MAST4: variants seen among roughly 807,000 people sequenced by gnomAD.
The protein encoded by MAST4 is microtubule associated serine/threonine kinase family member 4.
Under a neutral mutation model 162.7 loss-of-function variants are expected in MAST4, and 89 were observed. The observed-to-expected ratio is 0.55, with a 90% CI of 0.46 to 0.65. The LOEUF (loss-of-function observed/expected upper bound fraction) is 0.65. Ranked by LOEUF, MAST4 falls within the 30% of genes least tolerant of loss-of-function variation. The pLI is 0.00. For synonymous variants in MAST4, 1,479 were observed against 1,361.1 expected, an observed-to-expected ratio of 1.09 and a Z score of -1.91; for missense variants, 3,153 against 3,374.0, an observed-to-expected ratio of 0.93 and a Z score of 1.62.
chr5:66,762,601 A>C (rs377193917), intron 2 of MAST4, among the ~76,000 whole-genome samples: 6 of 152,208 alleles, frequency 3.9e-5, no homozygotes, highest in Admixed American at 3.9e-4. Context: ...GATCTTTAAA[A>C]AATGTGTTTT....
chr5:67,100,601 G>C lies in MAST4; in HGVS notation c.1070+9G>C, dbSNP rs779743940. 2.5e-6 allele frequency: 4 copies of C among 1,613,604 alleles called. No homozygotes were observed. The highest frequency in any genetic ancestry group is 3.4e-6 in the Non-Finnish European group (4 of 1,179,768). ...CGTTCCCGAAGTCTGAGGTGTGTGG[G>C]CCTGGCTGAAAACCATTACTTAGTT... On this transcript the variant is annotated intron_variant, in intron 8 of 28. Coordinates refer to ENST00000403625, the MANE Select transcript of MAST4 (RefSeq NM_001164664.2).
intron 1 of MAST4, among the ~76,000 whole-genome samples, chr5:66,651,864 C>A (rs1440956932): frequency 6.6e-6 from 1 of 152,194 alleles, no homozygotes; most frequent in Non-Finnish European, 1.5e-5. Context: ...TCCTCACTGG[C>A]TGTTGACCAG....
At chr5:67,072,440 G>A (rs1761102206) in intron 5 of MAST4, among the ~76,000 whole-genome samples, 1 of 152,126 alleles carries the variant, frequency 6.6e-6, no homozygotes, top group South Asian at 2.1e-4. Context: ...TTAGACTAAT[G>A]GCCAATGTCT....
chr5:66,746,477 C>T (rs1048634364), intron 1 of MAST4, among the ~76,000 whole-genome samples: 1 of 152,128 alleles, frequency 6.6e-6, no homozygotes, highest in East Asian at 1.9e-4. Context: ...CTTTCTGAAT[C>T]CTTTTCCTCT....
rs201369766 is a variant in MAST4 at position 67,167,095 on chromosome 5, G to C, written c.*44G>C. The C allele has an allele frequency of 1.1e-5, 17 of 1,481,642 alleles. No homozygotes were observed. Among genetic ancestry groups the C allele is most frequent in the Non-Finnish European group, 1.5e-5 (17 of 1,109,252 alleles). 91.8% of individuals were successfully genotyped at this position (1,481,642 alleles called of 1,614,324 possible). On this transcript the variant is annotated 3_prime_UTR_variant, in exon 29 of 29. Coordinates refer to ENST00000403625, the MANE Select transcript of MAST4 (RefSeq NM_001164664.2). The stretch of plus-strand genomic sequence containing the variant: ...AGGACTGTGGAGACCCGTCCTGAAC[G>C]GGCGACTGTGTCTTGACTACCTTTC...
chr5:66,760,488 C>T (rs1173104711), intron 2 of MAST4, among the ~76,000 whole-genome samples: 1 of 152,158 alleles, frequency 6.6e-6, no homozygotes, highest in Non-Finnish European at 1.5e-5. Context: ...CTGCCGTGAT[C>T]AGGATATAAA....
chr5:66,963,884 A>G, intron 4 of MAST4: 2 of 770,208 alleles, frequency 2.6e-6, no homozygotes, highest in South Asian at 2.7e-5. Flanking sequence ...TGCAATCCAC[A>G]ATCCACAGGG....
intron 1 of MAST4, among the ~76,000 whole-genome samples, chr5:66,718,559 G>A (rs1751002818): frequency 6.6e-6 from 1 of 152,104 alleles, no homozygotes; most frequent in Non-Finnish European, 1.5e-5. Flanking sequence ...TCAGAGAAAG[G>A]GCCTGAGGGT....
intron 4 of MAST4, chr5:67,004,725 AG>A (rs1751760295): frequency 1.2e-5 from 5 of 406,094 alleles, no homozygotes; most frequent in Non-Finnish European, 2.3e-5. Flanking sequence ...GAGCCTGACT[AG>A]GAGAGGGCAG....
intron 4 of MAST4, among the ~76,000 whole-genome samples, chr5:66,996,800 C>T (rs771731295): frequency 4.6e-5 from 7 of 152,126 alleles, no homozygotes; most frequent in Non-Finnish European, 8.8e-5. Context: ...TTAAGGCCCA[C>T]CTGGATAACC....
chr5:66,910,741 C>CTTTGTTTTTTTTTTTTTTTTTT (rs1763690763), intron 4 of MAST4, among the ~76,000 whole-genome samples: 8 of 20,090 alleles, frequency 4.0e-4, no homozygotes, highest in South Asian at 1.4e-3. Flanking sequence ...TTTTTTTTTT[C>CTTTGTTTTTTTTTTTTTTTTTT]TTTTTTTTTT....
chr5:66,982,308 G>A (rs1748961983), intron 4 of MAST4, among the ~76,000 whole-genome samples: 1 of 152,066 alleles, frequency 6.6e-6, no homozygotes, highest in Non-Finnish European at 1.5e-5. Flanking sequence ...TCCTTACTTA[G>A]GGAGACTAAA....
chr5:66,843,242 C>T (rs1264653525), intron 3 of MAST4, among the ~76,000 whole-genome samples: 1 of 152,174 alleles, frequency 6.6e-6, no homozygotes, highest in African/African-American at 2.4e-5. Context: ...TGATAGTTGT[C>T]ACGTTAGTGG....
chr5:66,726,659 G>A (rs1410460363), intron 1 of MAST4, among the ~76,000 whole-genome samples: 2 of 152,062 alleles, frequency 1.3e-5, no homozygotes, highest in South Asian at 2.1e-4. Flanking sequence ...GTTCTTACTG[G>A]TCCATGGCCT....
chr5:66,974,937 G>A (rs1747941020), intron 4 of MAST4, among the ~76,000 whole-genome samples: 1 of 152,148 alleles, frequency 6.6e-6, no homozygotes, highest in Admixed American at 6.5e-5. Flanking sequence ...GGGCTGAATG[G>A]TGGCCCCAAA....
chr5:66,740,840 T>A (rs1752443092), intron 1 of MAST4, among the ~76,000 whole-genome samples: 1 of 152,228 alleles, frequency 6.6e-6, no homozygotes, highest in Non-Finnish European at 1.5e-5. Flanking sequence ...GGCTTGTGTT[T>A]GACAGCTAAC....
intron 4 of MAST4, among the ~76,000 whole-genome samples, chr5:67,018,824 T>C (rs1753633613): frequency 6.6e-6 from 1 of 152,336 alleles, no homozygotes; most frequent in South Asian, 2.1e-4. Flanking sequence ...ACTTATCATG[T>C]TCTTCCACTA....
intron 1 of MAST4, among the ~76,000 whole-genome samples, chr5:66,680,406 A>G (rs1038330072): frequency 6.6e-6 from 1 of 152,128 alleles, no homozygotes; most frequent in Non-Finnish European, 1.5e-5. Flanking sequence ...CCTCCAGGGT[A>G]CTTCCTAACC....
At chr5:66,898,721 G>A (rs1259316062) in intron 3 of MAST4, among the ~76,000 whole-genome samples, 2 of 152,184 alleles carry the variant, frequency 1.3e-5, no homozygotes, top group Non-Finnish European at 2.9e-5. Flanking sequence ...ATTGCTGATT[G>A]TTTTTCTTGC....
Sources: gnomAD v4.1 joint callset for allele counts (sites outside exome capture counted in the v4.1 genomes callset) on GRCh38, gnomAD v4.1.1 for gene constraint, MANE v1.5 for transcripts, NCBI Gene and HGNC (gene_info 2026-07-23, HGNC 2026-07-21) for gene names.